The following NACC2 variants were observed in gnomAD, a reference collection of about 807,000 sequenced individuals.
NACC2 encodes the protein NACC family member 2.
NACC2 carries 8 observed loss-of-function variants against 25.1 expected under a neutral mutation model. The ratio of observed to expected loss-of-function variants is 0.32; its 90% CI spans 0.19 to 0.57. NACC2 has a LOEUF of 0.57. Among genes scored for constraint, NACC2 ranks in the 20% least tolerant of loss-of-function variants. The pLI is 0.89. For missense variants in NACC2, 644 were observed against 650.2 expected (o/e 0.99, Z 0.10); for synonymous variants, 435 against 294.7 (o/e 1.48, Z -4.88).
chr9:136,062,172 C>CAGGAAAGGAA (rs1250312166), intron 1 of NACC2, among the ~76,000 whole-genome samples: 6 of 97,804 alleles, frequency 6.1e-5, no homozygotes, highest in African/African-American at 2.0e-4. Flanking sequence ...CAGGACAGGA[C>CAGGAAAGGAA]AGGAAAGGAA....
rs1588572638 is a variant in NACC2 at position 136,051,919 on chromosome 9, A to AGGAGGAGGAGGAGATGGT, written c.-59-1340_-59-1339insACCATCTCCTCCTCCTCC. Among the ~76,000 whole-genome samples, 84 of 14,978 alleles carry AGGAGGAGGAGGAGATGGT rather than the reference A, an allele frequency of 5.6e-3. 1 individual carries two copies. Among genetic ancestry groups the AGGAGGAGGAGGAGATGGT allele is most frequent in the African/African-American group, 0.015 (76 of 5,066 alleles). 9.8% of individuals were successfully genotyped at this position (14,978 alleles called of 152,430 possible). The stretch of plus-strand genomic sequence containing the variant: ...GAGGAGGAGGAGGAGGAGATGGTGG[A>AGGAGGAGGAGGAGATGGT]GGAGGAGGAGGAGGAGGAGGGCAGA... On this transcript the variant is annotated intron_variant, in intron 1 of 5. Coordinates refer to ENST00000277554, the MANE Select transcript of NACC2 (RefSeq NM_144653.5).
chr9:136,045,764 C>T (rs961537904), intron 2 of NACC2, among the ~76,000 whole-genome samples: 5 of 152,188 alleles, frequency 3.3e-5, no homozygotes, highest in African/African-American at 4.8e-5. Context: ...GTCAGGGCCC[C>T]GTGCTGTCAT....
At chr9:136,015,875 G>A (rs1317835352) in intron 3 of NACC2, among the ~76,000 whole-genome samples, 1 of 152,238 alleles carries the variant, frequency 6.6e-6, no homozygotes, top group Non-Finnish European at 1.5e-5. Context: ...GGACGTGTTT[G>A]TTCTGCCAGA....
chr9:136,081,314 C>A (rs1238341785), intron 1 of NACC2, among the ~76,000 whole-genome samples: 1 of 152,134 alleles, frequency 6.6e-6, no homozygotes, highest in Non-Finnish European at 1.5e-5. Flanking sequence ...ACCGGAACGA[C>A]CTGCACACCA....
intron 1 of NACC2, among the ~76,000 whole-genome samples, chr9:136,085,011 C>T (rs1191498962): frequency 1.3e-5 from 2 of 151,886 alleles, no homozygotes; most frequent in African/African-American, 2.4e-5. Flanking sequence ...CTGAGGGCAG[C>T]GCAAAAATGT....
intron 1 of NACC2, among the ~76,000 whole-genome samples, chr9:136,068,019 G>A (rs1012031608): frequency 3.3e-5 from 5 of 152,126 alleles, no homozygotes; most frequent in Non-Finnish European, 2.9e-5. Flanking sequence ...TAAAAATATA[G>A]GATAAAAGAT....
intron 2 of NACC2, among the ~76,000 whole-genome samples, chr9:136,028,644 C>T (rs1461175859): frequency 3.3e-5 from 5 of 152,280 alleles, no homozygotes; most frequent in East Asian, 3.9e-4. Context: ...AAATCTTGCC[C>T]GCTTCCAAGT....
At chr9:136,075,176 T>G (rs1414201745) in intron 1 of NACC2, among the ~76,000 whole-genome samples, 1 of 152,200 alleles carries the variant, frequency 6.6e-6, no homozygotes, top group Non-Finnish European at 1.5e-5. Context: ...TGCAGCAGGC[T>G]GCAACGCCCC....
chr9:136,056,757 C>T (rs938073512), intron 1 of NACC2, among the ~76,000 whole-genome samples: 4 of 152,206 alleles, frequency 2.6e-5, no homozygotes, highest in East Asian at 1.9e-4. Context: ...GGGCTCTCTC[C>T]GTTCAGCCAG....
intron 1 of NACC2, among the ~76,000 whole-genome samples, chr9:136,094,822 AG>A (rs1830471718): frequency 6.6e-6 from 1 of 151,440 alleles, no homozygotes; most frequent in Non-Finnish European, 1.5e-5. Flanking sequence ...GTCCCTGGGG[AG>A]GCCGCGCGGG....
chr9:136,053,662 C>T (rs1216085804), intron 1 of NACC2, among the ~76,000 whole-genome samples: 4 of 152,196 alleles, frequency 2.6e-5, no homozygotes, highest in Non-Finnish European at 2.9e-5. Flanking sequence ...GGCAGAGGCC[C>T]CTAGACAGCT....
intron 1 of NACC2, among the ~76,000 whole-genome samples, chr9:136,087,184 CAA>C (rs1234621664): frequency 2.0e-5 from 3 of 152,208 alleles, no homozygotes; most frequent in Non-Finnish European, 2.9e-5. Context: ...CGGCATGTGA[CAA>C]AGTCTCCCTC....
intron 2 of NACC2, among the ~76,000 whole-genome samples, chr9:136,036,495 A>C (rs1840556074): frequency 6.6e-6 from 1 of 152,238 alleles, no homozygotes; most frequent in African/African-American, 2.4e-5. Context: ...ACACACATAA[A>C]TACATATATA....
intron 1 of NACC2, among the ~76,000 whole-genome samples, chr9:136,079,757 G>C (rs1014269455): frequency 6.6e-6 from 1 of 152,184 alleles, no homozygotes; most frequent in Middle Eastern, 3.2e-3. Context: ...CCCATTCTGC[G>C]ACTAGGAATA....
chr9:136,048,404 C>G (rs949317613), intron 2 of NACC2, among the ~76,000 whole-genome samples: 2 of 152,224 alleles, frequency 1.3e-5, no homozygotes, highest in Non-Finnish European at 2.9e-5. Flanking sequence ...GTGCTCTGCC[C>G]TCAGGAAGGG....
chr9:136,062,184 GA>G (rs1447181907), intron 1 of NACC2, among the ~76,000 whole-genome samples: 2 of 151,656 alleles, frequency 1.3e-5, no homozygotes, highest in African/African-American at 4.8e-5. Flanking sequence ...GGAAAGGAAA[GA>G]GAGAGAAAAG....
intron 1 of NACC2, among the ~76,000 whole-genome samples, chr9:136,090,115 C>T (rs920491362): frequency 9.9e-5 from 15 of 152,206 alleles, no homozygotes; most frequent in African/African-American, 3.6e-4. Flanking sequence ...TTTAACAGCA[C>T]AAAAGTCAAG....
chr9:136,051,818 C>G (rs1840844729), intron 1 of NACC2, among the ~76,000 whole-genome samples: 1 of 151,866 alleles, frequency 6.6e-6, no homozygotes, highest in Non-Finnish European at 1.5e-5. Flanking sequence ...CCCAGCTGCT[C>G]CGCGAATGCA....
intron 2 of NACC2, among the ~76,000 whole-genome samples, chr9:136,032,955 T>C (rs1238512280): frequency 1.3e-5 from 2 of 150,152 alleles, no homozygotes; most frequent in Non-Finnish European, 3.0e-5. Flanking sequence ...GAGGCAGAGG[T>C]TGCAGTGAGC....
Sources: gnomAD v4.1 joint callset for allele counts (sites outside exome capture counted in the v4.1 genomes callset) on GRCh38, gnomAD v4.1.1 for gene constraint, MANE v1.5 for transcripts, NCBI Gene and HGNC (gene_info 2026-07-23, HGNC 2026-07-21) for gene names.